The following NYAP2 variants were observed in gnomAD, a reference collection of about 807,000 sequenced individuals.
The protein encoded by NYAP2 is neuronal tyrosine-phosphorylated phosphoinositide-3-kinase adapter 2.
A neutral mutation model predicts 50.4 loss-of-function variants in NYAP2; 23 were observed. The ratio of observed to expected loss-of-function variants is 0.46; its 90% CI spans 0.33 to 0.65. NYAP2 has a LOEUF of 0.65. Ranked by LOEUF, NYAP2 falls within the 30% of genes least tolerant of loss-of-function variation. NYAP2 has a pLI of 0.02. For synonymous variants in NYAP2, 394 were observed against 365.2 expected (o/e 1.08, Z -0.90); for missense variants, 885 against 861.0 (o/e 1.03, Z -0.35).
At chr2:225,644,703 T>C (rs1693597379) in intron 6 of NYAP2, among the ~76,000 whole-genome samples, 8 of 144,682 alleles carry the variant, frequency 5.5e-5, no homozygotes, top group African/African-American at 1.0e-4. Flanking sequence ...TAGGGAATCC[T>C]TTCCCCATTG....
chr2:225,521,733 C>A lies in NYAP2; in HGVS notation c.523+8061C>A, dbSNP rs529601760. On this transcript the variant is annotated intron_variant, in intron 4 of 6. Coordinates refer to ENST00000636099, the Ensembl canonical transcript of NYAP2. Reference sequence around the variant, plus strand: ...TCATCAAGGATATTGGTCTAAAATTCTCTTTTTTGGTTGTGTCTCTGCTTG... The same window carrying A: ...TCATCAAGGATATTGGTCTAAAATTATCTTTTTTGGTTGTGTCTCTGCTTG... Among the ~76,000 whole-genome samples, 7 of 151,944 alleles carry A rather than the reference C, an allele frequency of 4.6e-5. No individual in the cohort carries two copies. The East Asian group carries it at 9.7e-4, about 21-fold the overall frequency.
At chr2:225,579,250 A>G (rs532852796) in intron 4 of NYAP2, among the ~76,000 whole-genome samples, 1 of 152,256 alleles carries the variant, frequency 6.6e-6, no homozygotes, top group East Asian at 1.9e-4. Flanking sequence ...GCTTCAACAG[A>G]TGAATTTTTT....
intron 3 of NYAP2, among the ~76,000 whole-genome samples, chr2:225,411,839 A>G (rs1574600987): frequency 1.3e-5 from 2 of 151,996 alleles, no homozygotes; most frequent in East Asian, 3.8e-4. Flanking sequence ...TGTGTTATTA[A>G]TAAGAACAAT....
At chr2:225,676,669 G>C in the NYAP2 span, among the ~76,000 whole-genome samples, 1 of 152,066 alleles carries the variant, frequency 6.6e-6, no homozygotes, top group Non-Finnish European at 1.5e-5. Context: ...GAACAGCACA[G>C]GAAAGGCCTA....
chr2:225,649,021 G>A (rs893937349), intron 6 of NYAP2, among the ~76,000 whole-genome samples: 1 of 152,170 alleles, frequency 6.6e-6, no homozygotes, highest in African/African-American at 2.4e-5. Context: ...TCCAGAAAGA[G>A]AATGTAGTTG....
At chr2:225,464,554 C>T (rs1231538494) in intron 3 of NYAP2, among the ~76,000 whole-genome samples, 2 of 152,160 alleles carry the variant, frequency 1.3e-5, no homozygotes, top group African/African-American at 4.8e-5. Context: ...CTGGGCAGCG[C>T]ATGAGCCTGC....
rs534229985 is a variant in NYAP2 at position 225,521,222 on chromosome 2, G to A, written c.523+7550G>A. Among the ~76,000 whole-genome samples, 16 of 151,876 alleles carry A rather than the reference G, an allele frequency of 1.1e-4. No individual in the cohort carries two copies. In the South Asian group the frequency reaches 2.5e-3, roughly 24 times the overall value. ...TATACAATCATGTCATCTGCAAACA[G>A]GGACAATTTGACTTCCTCTTTTCCT... On this transcript the variant is annotated intron_variant, in intron 4 of 6. Transcript: ENST00000636099.
chr2:225,459,911 A>G (rs1689798590), intron 3 of NYAP2, among the ~76,000 whole-genome samples: 2 of 152,110 alleles, frequency 1.3e-5, no homozygotes, highest in Non-Finnish European at 2.9e-5. Flanking sequence ...CTGACCTGTG[A>G]TCTGCCCACC....
At chr2:225,518,546 A>ATATATATATAAATTAGCTTGTGAGCT (rs1690978805) in intron 4 of NYAP2, among the ~76,000 whole-genome samples, 9 of 74,300 alleles carry the variant, frequency 1.2e-4, no homozygotes, top group African/African-American at 4.0e-4. Context: ...ATATATATAT[A>ATATATATATAAATTAGCTTGTGAGCT]TATATATATA....
At chr2:225,470,478 G>T (rs1689996141) in intron 3 of NYAP2, among the ~76,000 whole-genome samples, 1 of 152,156 alleles carries the variant, frequency 6.6e-6, no homozygotes, top group African/African-American at 2.4e-5. Flanking sequence ...TATGGTACAA[G>T]CTCTTTTGAG....
chr2:225,628,947 A>G (rs1179424897), intron 6 of NYAP2, among the ~76,000 whole-genome samples: 2 of 152,182 alleles, frequency 1.3e-5, no homozygotes, highest in Non-Finnish European at 2.9e-5. Flanking sequence ...CAACTGCAGT[A>G]TACTGTGTGT....
intron 3 of NYAP2, among the ~76,000 whole-genome samples, chr2:225,500,221 G>A (rs928866894): frequency 6.6e-6 from 1 of 152,178 alleles, no homozygotes; most frequent in Non-Finnish European, 1.5e-5. Context: ...TGTCAAAACC[G>A]AGGTTTCCTA....
the NYAP2 span, among the ~76,000 whole-genome samples, chr2:225,688,137 T>C: frequency 1.3e-5 from 2 of 152,120 alleles, no homozygotes; most frequent in Non-Finnish European, 2.9e-5. Flanking sequence ...GGGCCAAGGA[T>C]TGATGTCCAG....
intron 3 of NYAP2, among the ~76,000 whole-genome samples, chr2:225,430,235 G>A (rs563030421): frequency 5.0e-4 from 76 of 152,200 alleles, no homozygotes; most frequent in Non-Finnish European, 7.4e-4. Flanking sequence ...GGATAAAAAT[G>A]TTTTTCGATG....
intron 4 of NYAP2, among the ~76,000 whole-genome samples, chr2:225,545,663 T>G (rs573212478): frequency 1.3e-5 from 2 of 152,330 alleles, no homozygotes; most frequent in Admixed American, 1.3e-4. Flanking sequence ...AAGTCAAATA[T>G]CTGTGTTTCT....
chr2:225,586,256 G>T (rs1692388155), intron 5 of NYAP2, among the ~76,000 whole-genome samples: 2 of 152,124 alleles, frequency 1.3e-5, no homozygotes, highest in Admixed American at 6.5e-5. Context: ...TGTTGATGGG[G>T]ATTGGTCAAT....
At chr2:225,403,972 T>G (rs912033513) in intron 2 of NYAP2, among the ~76,000 whole-genome samples, 1 of 151,964 alleles carries the variant, frequency 6.6e-6, no homozygotes, top group African/African-American at 2.4e-5. Flanking sequence ...TAACCATGTA[T>G]GAGAAGGAAG....
At chr2:225,523,832 C>T (rs533429262) in intron 4 of NYAP2, among the ~76,000 whole-genome samples, 3 of 152,116 alleles carry the variant, frequency 2.0e-5, no homozygotes, top group Non-Finnish European at 4.4e-5. Flanking sequence ...GCAACCAAAA[C>T]AGCATGGTAC....
intron 5 of NYAP2, among the ~76,000 whole-genome samples, chr2:225,586,002 A>G (rs992490970): frequency 2.0e-5 from 3 of 152,164 alleles, no homozygotes; most frequent in Non-Finnish European, 4.4e-5. Context: ...TATTCTTTTT[A>G]AGTTTCAGGA....
Sources: allele counts gnomAD v4.1 joint callset (sites outside exome capture counted in the v4.1 genomes callset), GRCh38; gene constraint gnomAD v4.1.1; transcripts MANE v1.5; gene names NCBI Gene and HGNC (gene_info 2026-07-23, HGNC 2026-07-21).